KIAA1549L: variants seen among roughly 807,000 people sequenced by gnomAD.
KIAA1549L encodes the protein UPF0606 protein KIAA1549L.
A neutral mutation model predicts 160.7 loss-of-function variants in KIAA1549L; 88 were observed. The ratio of observed to expected loss-of-function variants is 0.55; its 90% CI spans 0.46 to 0.65. KIAA1549L has a LOEUF of 0.65. Among genes scored for constraint, KIAA1549L ranks in the 30% least tolerant of loss-of-function variants. The probability of loss-of-function intolerance (pLI) is 0.00; values close to 1 mark genes in which losing one functional copy is unlikely to be tolerated. For missense variants in KIAA1549L, 2,258 were observed against 2,437.5 expected, an observed-to-expected ratio of 0.93 and a Z score of 1.55; for synonymous variants, 950 against 976.7, an observed-to-expected ratio of 0.97 and a Z score of 0.51.
Position 33,543,392 on chromosome 11 carries a change from C to A in KIAA1549L, c.1829C>A (p.Pro610His), listed in dbSNP as rs755961188. Residue 610 changes from proline to histidine, a missense_variant, in exon 2 of 21, where the codon CCC (proline) becomes CAC (histidine). Pro to His is a moderately conservative substitution (Grantham distance 77). This residue lies in a region of KIAA1549L where 540 missense variants were observed against 465.7 expected (regional missense o/e 1.16). Transcript: ENST00000658780. ...TTCAGCACCGGTAGTGTCTCATCTC[C>A]CATCATTACAGCACCAAGGACGAAT... ...SDFSTGSVSSPIITAPRTNPL... is the reference protein window; with the variant it reads ...SDFSTGSVSSHIITAPRTNPL... The A allele has an allele frequency of 6.2e-7, 1 of 1,614,010 alleles. No homozygotes were observed. The highest frequency in any genetic ancestry group is 1.1e-5 in the South Asian group (1 of 91,082).
At chr11:33,658,280 G>A (rs1196686892) in intron 18 of KIAA1549L, among the ~76,000 whole-genome samples, 1 of 152,094 alleles carries the variant, frequency 6.6e-6, no homozygotes, top group Non-Finnish European at 1.5e-5. Context: ...GTTAGGAATA[G>A]GGAATGTGGC....
At chr11:33,522,632 A>G (rs1853522534) in intron 1 of KIAA1549L, among the ~76,000 whole-genome samples, 1 of 152,218 alleles carries the variant, frequency 6.6e-6, no homozygotes, top group East Asian at 1.9e-4. Flanking sequence ...ATAATAATTT[A>G]TGCCTGTAAT....
intron 1 of KIAA1549L, among the ~76,000 whole-genome samples, chr11:33,436,277 C>T (rs1353868267): frequency 2.0e-5 from 3 of 152,070 alleles, no homozygotes; most frequent in Non-Finnish European, 2.9e-5. Flanking sequence ...AACTGGCTCA[C>T]GCAATTATGG....
In KIAA1549L at chr11:33,632,871, T is replaced by C. The variant is rs113757352; in HGVS notation, c.5410-12815T>C. Among the ~76,000 whole-genome samples the C allele has an allele frequency of 1.8e-3, 268 of 152,242 alleles. 1 individual carries two copies. The highest frequency in any genetic ancestry group is 2.4e-3 in the Non-Finnish European group (164 of 68,020). ...TCAGCCTCCCAGAGTGCTGGGATTA[T>C]AAACATGAGCACTGTGTTGGGCATT... On this transcript the variant is annotated intron_variant, in intron 16 of 20. Transcript: ENST00000658780.
In KIAA1549L at chr11:33,575,227, C is replaced by T. The variant is rs1317317198; in HGVS notation, c.4402+354C>T. On this transcript the variant is annotated intron_variant, in intron 10 of 20. Coordinates refer to ENST00000658780, the MANE Select transcript of KIAA1549L (RefSeq NM_012194.3). ...ACATTTGTAAAGTTCTACATGAAGT[C>T]GCTTAGTGCTGGAGGATGTATGGAA... 2.0e-5 allele frequency among the ~76,000 whole-genome samples: 3 copies of T among 152,298 alleles called. No homozygotes were observed. The East Asian group carries it at 5.8e-4, about 29-fold the overall frequency.
intron 1 of KIAA1549L, among the ~76,000 whole-genome samples, chr11:33,423,183 C>T (rs1742127129): frequency 6.6e-6 from 1 of 152,094 alleles, no homozygotes; most frequent in Admixed American, 6.5e-5. Context: ...CTCATACTAA[C>T]TTGTTGTAAC....
At chr11:33,602,239 A>G (rs1850384615) in intron 13 of KIAA1549L, among the ~76,000 whole-genome samples, 1 of 152,176 alleles carries the variant, frequency 6.6e-6, no homozygotes, top group Non-Finnish European at 1.5e-5. Flanking sequence ...CAGGCAAAGA[A>G]TTAGAAAGTT....
chr11:33,577,168 C>G lies in KIAA1549L; in HGVS notation c.4402+2295C>G, dbSNP rs115131961. 6.2e-3 allele frequency among the ~76,000 whole-genome samples: 949 copies of G among 152,136 alleles called. 16 individuals are homozygous for G. Among genetic ancestry groups the G allele is most frequent in the African/African-American group, 0.022 (912 of 41,488 alleles). On this transcript the variant is annotated intron_variant, in intron 10 of 20. Coordinates refer to ENST00000658780, the MANE Select transcript of KIAA1549L (RefSeq NM_012194.3). ...GAGAACTGCGTGTCGATTTATATTC[C>G]CAAGAGGCAGGGCATGACAGGGTAG... is the stretch of plus-strand genomic sequence containing the variant.
intron 1 of KIAA1549L, among the ~76,000 whole-genome samples, chr11:33,452,770 C>T (rs1462988820): frequency 2.0e-5 from 3 of 152,178 alleles, no homozygotes; most frequent in African/African-American, 7.2e-5. Flanking sequence ...AGGTGTTTCT[C>T]TGAGGGTCCC....
chr11:33,652,892 C>T, intron 17 of KIAA1549L, among the ~76,000 whole-genome samples: 1 of 152,130 alleles, frequency 6.6e-6, no homozygotes, highest in East Asian at 1.9e-4. Flanking sequence ...CCAGAGAAGC[C>T]CTGCTTTCGT....
At chr11:33,652,734 A>G (rs1851933940) in intron 17 of KIAA1549L, among the ~76,000 whole-genome samples, 1 of 152,202 alleles carries the variant, frequency 6.6e-6, no homozygotes, top group Admixed American at 6.5e-5. Flanking sequence ...GTTTATTGAT[A>G]GTCATGGAGG....
chr11:33,646,309 C>T (rs1324392165), intron 17 of KIAA1549L, among the ~76,000 whole-genome samples: 1 of 152,214 alleles, frequency 6.6e-6, no homozygotes, highest in African/African-American at 2.4e-5. Context: ...CTATAAATGG[C>T]TGACCATATT....
intron 10 of KIAA1549L, 103 bp downstream of exon 10, chr11:33,574,976 ATATTTGTATTCTGGAAGG>A: frequency 1.0e-6 from 1 of 975,740 alleles, no homozygotes; most frequent in Non-Finnish European, 1.6e-6. Context: ...AGAGCTAAAC[ATATTTGTATTCTGGAAGG>A]TTCTTAAATC....
chr11:33,621,845 G>C (rs1490263337), intron 16 of KIAA1549L, among the ~76,000 whole-genome samples: 1 of 152,194 alleles, frequency 6.6e-6, no homozygotes, highest in African/African-American at 2.4e-5. Flanking sequence ...TCTGTTTTTG[G>C]AGTTTAAAAA....
Position 33,656,042 on chromosome 11 carries a change from G to T in KIAA1549L, c.5791G>T (p.Val1931Phe), listed in dbSNP as rs760039701. 1.2e-6 allele frequency: 2 copies of T among 1,613,924 alleles called. No individual in the cohort carries two copies. The highest frequency in any genetic ancestry group is 2.2e-5 in the East Asian group (1 of 44,892). ...CAGGTTTTCCCAGCTTCCTGAGATG[G>T]TCATGGGCTCACCGCCTCCACCCGT... ...AYRFSQLPEMVMGSPPPPVPP... is the reference protein window; with the variant it reads ...AYRFSQLPEMFMGSPPPPVPP... The change falls in exon 18 of 21, where the codon GTC becomes TTC. Residue 1931 changes from valine (V) to phenylalanine (F), a missense_variant. Val to Phe is a conservative substitution (Grantham distance 50). Transcript: ENST00000658780.
intron 1 of KIAA1549L, among the ~76,000 whole-genome samples, chr11:33,526,031 G>T (rs1398507113): frequency 2.0e-5 from 3 of 152,080 alleles, no homozygotes; most frequent in East Asian, 1.9e-4. Context: ...CCACCTGATG[G>T]TTTTTCTCTA....
chr11:33,506,472 TATC>T (rs1477358589), intron 1 of KIAA1549L, among the ~76,000 whole-genome samples: 2 of 152,166 alleles, frequency 1.3e-5, no homozygotes, highest in African/African-American at 4.8e-5. Context: ...ACACCTGTAA[TATC>T]AGCACTTTGG....
At chr11:33,377,324 A>C (rs761507966) in intron 1 of KIAA1549L, among the ~76,000 whole-genome samples, 1 of 152,092 alleles carries the variant, frequency 6.6e-6, no homozygotes, top group Non-Finnish European at 1.5e-5. Flanking sequence ...ATATCAACAC[A>C]GTTTCTCCTG....
At chr11:33,545,638 A>C (rs1854226739) in intron 3 of KIAA1549L, among the ~76,000 whole-genome samples, 2 of 152,226 alleles carry the variant, frequency 1.3e-5, no homozygotes, top group African/African-American at 2.4e-5. Flanking sequence ...AGATTTATCC[A>C]GCCTAAAACA....
Sources: allele counts gnomAD v4.1 joint callset (sites outside exome capture counted in the v4.1 genomes callset), GRCh38; gene constraint gnomAD v4.1.1; regional missense constraint gnomAD v4.1.1; transcripts MANE v1.5; gene names NCBI Gene and HGNC (gene_info 2026-07-23, HGNC 2026-07-21).